Variants in ZNF469 observed in about 807,000 individuals in gnomAD.
ZNF469 encodes zinc finger protein 469.
A neutral mutation model predicts 1.0 loss-of-function variants in ZNF469; 1 was observed. The observed-to-expected ratio is 1.00, with a 90% CI of 0.35 to 4.73. ZNF469 has a LOEUF of 4.73. Among genes scored for constraint, ZNF469 ranks in the 30% most tolerant of loss-of-function variants. The pLI is 0.16. For missense variants in ZNF469, 6,100 were observed against 5,356.3 expected, an observed-to-expected ratio of 1.14 and a Z score of -4.33; for synonymous variants, 2,703 against 2,363.4, an observed-to-expected ratio of 1.14 and a Z score of -4.17.
At chr16:88,228,843 C>CT in the ZNF469 span, among the ~76,000 whole-genome samples, 1 of 152,158 alleles carries the variant, frequency 6.6e-6, no homozygotes, top group Non-Finnish European at 1.5e-5. Flanking sequence ...ATTTTTAATG[C>CT]AACACACACC....
At chr16:88,117,967 G>C in the ZNF469 span, among the ~76,000 whole-genome samples, 2 of 152,226 alleles carry the variant, frequency 1.3e-5, no homozygotes, top group Admixed American at 1.3e-4. Context: ...TTTTGAGACG[G>C]AGTCTCGCTC....
chr16:88,222,524 G>A, the ZNF469 span, among the ~76,000 whole-genome samples: 7 of 152,222 alleles, frequency 4.6e-5, no homozygotes, highest in African/African-American at 1.2e-4. Flanking sequence ...ATGGGAGGCC[G>A]AGGCAGGTGG....
the ZNF469 span, among the ~76,000 whole-genome samples, chr16:88,335,429 C>T: frequency 6.6e-6 from 1 of 152,242 alleles, no homozygotes; most frequent in Admixed American, 6.5e-5. Context: ...GGCGGCCTTA[C>T]TTCTGCAGCT....
At chr16:88,274,936 T>TAC in the ZNF469 span, among the ~76,000 whole-genome samples, 1 of 152,236 alleles carries the variant, frequency 6.6e-6, no homozygotes, top group Non-Finnish European at 1.5e-5. Context: ...AAACAGCGTA[T>TAC]ACACGCTTGG....
chr16:88,369,804 G>A, the ZNF469 span, among the ~76,000 whole-genome samples: 539 of 152,290 alleles, frequency 3.5e-3, 4 homozygotes, highest in African/African-American at 0.012. Flanking sequence ...TGCCACAGAG[G>A]CCACCCCCGC....
the ZNF469 span, among the ~76,000 whole-genome samples, chr16:88,139,641 C>T: frequency 6.6e-6 from 1 of 151,238 alleles, no homozygotes; most frequent in African/African-American, 2.4e-5. Flanking sequence ...ACCTTTTTGT[C>T]CCCTGGCCTG....
rs1397809125 is a variant in ZNF469, at chr16:88,430,310, G to A, written c.2840G>A (p.Arg947Lys). 6.6e-7 allele frequency: 1 copy of A among 1,515,402 alleles called. No individual in the cohort carries two copies. The highest frequency in any genetic ancestry group is 2.5e-5 in the East Asian group (1 of 40,622). The allele number at this position is 1,515,402 out of a possible 1,614,324, so 93.9% of individuals were successfully genotyped here. ...CCCAGCCAGGGCAGGCAGCAGAGGA[G>A]GGGGAAGCAGTTGAAGCTGTTCCGG... ...DAPSQGRQQRRGKQLKLFRKD... is the reference protein window; with the variant it reads ...DAPSQGRQQRKGKQLKLFRKD... The change falls in exon 3 of 3, where the codon AGG becomes AAG. Residue 947 changes from arginine (R) to lysine (K), a missense_variant. Arg to Lys is a conservative substitution (Grantham distance 26). Transcript: ENST00000565624.
At position 88,434,935 on chromosome 16, in the gene ZNF469, C is replaced by T. The variant is rs1307661053; in HGVS notation, c.7465C>T (p.Arg2489Trp). 26 of 1,550,104 alleles carry T rather than the reference C, an allele frequency of 1.7e-5. No homozygotes were observed. The highest frequency in any genetic ancestry group is 3.3e-4 in the Middle Eastern group (2 of 5,988). The part of the protein sequence containing the change: ...ASFRSGPGLS[R>W]HKARKHRPHP... ...CTTCCGCTCCGGGCCGGGCCTGAGCCGGCACAAGGCCAGGAAGCACCGGCC... is the reference window on the plus strand; with the variant it reads ...CTTCCGCTCCGGGCCGGGCCTGAGCTGGCACAAGGCCAGGAAGCACCGGCC... Residue 2489 changes from arginine to tryptophan, a missense_variant, in exon 3 of 3, where the codon CGG (arginine) becomes TGG (tryptophan). By Grantham distance (101) the Arg-to-Trp change is moderately radical. Coordinates refer to ENST00000565624, the MANE Select transcript of ZNF469 (RefSeq NM_001367624.2).
chr16:88,428,399 A>G lies in ZNF469; in HGVS notation c.929A>G (p.Gln310Arg), dbSNP rs749656105. 1 of 1,548,390 alleles carries G rather than the reference A, an allele frequency of 6.5e-7. No individual in the cohort carries two copies. Among genetic ancestry groups the G allele is most frequent in the South Asian group, 1.2e-5 (1 of 84,064 alleles). ...GPLVFAFHQP[Q>R]GAWPEEAVGT... Reference sequence around the variant, plus strand: ...CTGGTGTTTGCCTTCCATCAGCCCCAGGGAGCGTGGCCGGAGGAGGCCGTG... The same window carrying G: ...CTGGTGTTTGCCTTCCATCAGCCCCGGGGAGCGTGGCCGGAGGAGGCCGTG... Residue 310 changes from glutamine to arginine, a missense_variant, in exon 3 of 3, where the codon CAG becomes CGG. By Grantham distance (43) the Gln-to-Arg change is conservative. Transcript: ENST00000565624.
the ZNF469 span, among the ~76,000 whole-genome samples, chr16:88,192,997 GTGGTGA>G: frequency 7.4e-5 from 10 of 135,284 alleles, no homozygotes; most frequent in South Asian, 2.4e-3. Context: ...GATGGTGGTG[GTGGTGA>G]TGGTGGTGAT....
Position 88,437,327 on chromosome 16 carries a change from C to G in ZNF469, c.9857C>G (p.Ala3286Gly). 6.5e-7 allele frequency: 1 copy of G among 1,546,444 alleles called. No homozygotes were observed. The highest frequency in any genetic ancestry group is 8.7e-7 in the Non-Finnish European group (1 of 1,145,034). ...ACCCCCAGCAACCCAGACGGGGCCGCGACCCCAGACAGCGCCTCTGCCACC... is the reference window on the plus strand; with the variant it reads ...ACCCCCAGCAACCCAGACGGGGCCGGGACCCCAGACAGCGCCTCTGCCACC... Reference protein sequence around the residue: ...RSTPSNPDGAATPDSASATAL... With the variant: ...RSTPSNPDGAGTPDSASATAL... Residue 3286 changes from alanine to glycine, a missense_variant, in exon 3 of 3, where the codon GCG (alanine) becomes GGG (glycine). By Grantham distance (60) the Ala-to-Gly change is moderately conservative (BLOSUM62 0). Coordinates refer to ENST00000565624, the MANE Select transcript of ZNF469 (RefSeq NM_001367624.2).
At chr16:88,130,185 G>A in the ZNF469 span, among the ~76,000 whole-genome samples, 11 of 152,168 alleles carry the variant, frequency 7.2e-5, no homozygotes, top group African/African-American at 2.7e-4. Flanking sequence ...CAGCATCGGG[G>A]TGCGTGCGCA....
chr16:88,111,348 G>A, the ZNF469 span, among the ~76,000 whole-genome samples: 1 of 152,208 alleles, frequency 6.6e-6, no homozygotes, highest in Non-Finnish European at 1.5e-5. Flanking sequence ...TCACATCAGA[G>A]AGAATGGGGT....
the ZNF469 span, among the ~76,000 whole-genome samples, chr16:88,254,657 C>G: frequency 1.3e-5 from 2 of 152,178 alleles, no homozygotes; most frequent in Admixed American, 6.5e-5. Flanking sequence ...ACTCCGGAGG[C>G]TGAGGCAGGA....
chr16:88,216,818 AT>A, the ZNF469 span, among the ~76,000 whole-genome samples: 1 of 151,764 alleles, frequency 6.6e-6, no homozygotes, highest in African/African-American at 2.4e-5. Flanking sequence ...ATTTTTCTAT[AT>A]TTTTTATTAT....
the ZNF469 span, among the ~76,000 whole-genome samples, chr16:88,224,646 C>G: frequency 6.6e-6 from 1 of 152,192 alleles, no homozygotes; most frequent in South Asian, 2.1e-4. Flanking sequence ...GCACCTCAAT[C>G]CAGGCTCGCA....
Position 88,432,396 on chromosome 16 carries a change from G to A in ZNF469, c.4926G>A (p.Ser1642=), listed in dbSNP as rs117310292. 0.012 allele frequency: 17,913 copies of A among 1,549,666 alleles called. 180 individuals are homozygous for A. Among genetic ancestry groups the A allele is most frequent in the East Asian group, 0.052 (2,129 of 40,918 alleles). Residue 1642 remains serine, a synonymous_variant, in exon 3 of 3, where the codon TCG becomes TCA. Coordinates refer to ENST00000565624, the MANE Select transcript of ZNF469 (RefSeq NM_001367624.2). Reference sequence around the variant, plus strand: ...CTGCACATCGGGAGGGTGCGGAATCGGCTGTGGCCACCGTGGAAGCGGTTC... The same window carrying A: ...CTGCACATCGGGAGGGTGCGGAATCAGCTGTGGCCACCGTGGAAGCGGTTC... ...ESTAHREGAE[S]AVATVEAVQG...
At chr16:88,138,868 A>G in the ZNF469 span, among the ~76,000 whole-genome samples, 53 of 152,252 alleles carry the variant, frequency 3.5e-4, no homozygotes, top group African/African-American at 1.2e-3. Context: ...CGCCAAAGGA[A>G]TAAGACAAGA....
the ZNF469 span, among the ~76,000 whole-genome samples, chr16:88,250,221 C>G: frequency 6.6e-6 from 1 of 152,228 alleles, no homozygotes; most frequent in Non-Finnish European, 1.5e-5. Flanking sequence ...TCCCTCTCCT[C>G]TTCACTAAAG....
Sources: allele counts gnomAD v4.1 joint callset (sites outside exome capture counted in the v4.1 genomes callset), GRCh38; gene constraint gnomAD v4.1.1; transcripts MANE v1.5; gene names NCBI Gene and HGNC (gene_info 2026-07-23, HGNC 2026-07-21).